The following GSK3B variants were observed in gnomAD, a reference collection of about 807,000 sequenced individuals.
The protein encoded by GSK3B is glycogen synthase kinase-3 beta.
In GSK3B, 15 loss-of-function variants were observed where a neutral mutation model predicts 56.4. That is an observed-to-expected ratio of 0.27 (90% CI 0.18 to 0.41). GSK3B has a LOEUF of 0.41. GSK3B is among the 10% of genes least tolerant of loss of function. GSK3B has a pLI of 1.00. For missense variants in GSK3B, 300 were observed against 513.4 expected, an observed-to-expected ratio of 0.58 and a Z score of 4.02; for synonymous variants, 181 against 188.9, an observed-to-expected ratio of 0.96 and a Z score of 0.34.
At chr3:119,832,720 C>A (rs1368882016) in intron 10 of GSK3B, among the ~76,000 whole-genome samples, 1 of 152,186 alleles carries the variant, frequency 6.6e-6, no homozygotes, top group African/African-American at 2.4e-5. Context: ...GTACCAGATG[C>A]TGCAAAGCAA....
At chr3:119,928,642 A>T (rs1209394851) in intron 3 of GSK3B, among the ~76,000 whole-genome samples, 4 of 150,434 alleles carry the variant, frequency 2.7e-5, no homozygotes, top group Non-Finnish European at 4.4e-5. Context: ...AAAAGAGGGA[A>T]AAGGGATAAG....
At chr3:119,859,793 A>C (rs1418034259) in intron 9 of GSK3B, among the ~76,000 whole-genome samples, 1 of 151,952 alleles carries the variant, frequency 6.6e-6, no homozygotes, top group African/African-American at 2.4e-5. Flanking sequence ...AGTCTGTCTG[A>C]GTCTGCATAT....
intron 10 of GSK3B, among the ~76,000 whole-genome samples, chr3:119,835,406 C>T (rs549521158): frequency 2.0e-5 from 3 of 152,150 alleles, no homozygotes; most frequent in South Asian, 2.1e-4. Context: ...AACAAAAAAC[C>T]CCATCTTCGA....
intron 8 of GSK3B, among the ~76,000 whole-genome samples, chr3:119,875,333 T>C (rs1307532030): frequency 6.6e-6 from 1 of 152,054 alleles, no homozygotes; most frequent in African/African-American, 2.4e-5. Context: ...CTACAGAGGG[T>C]AAATTATTTC....
At position 120,063,458 on chromosome 3, in the gene GSK3B, G is replaced by A. The variant is rs2058254257; in HGVS notation, c.88+29889C>T. 2.0e-5 allele frequency among the ~76,000 whole-genome samples: 3 copies of A among 152,264 alleles called. No homozygotes were observed. The South Asian group carries it at 6.2e-4, about 32-fold the overall frequency. ...AAAATCAGTGCTGGCCGGGTGCAGT[G>A]GCTCACACCTGTAATCCCAGCACTT... On this transcript the variant is annotated intron_variant, in intron 1 of 10. Coordinates refer to ENST00000264235, the MANE Select transcript of GSK3B (RefSeq NM_001146156.2).
chr3:119,989,477 T>C (rs1200878317), intron 2 of GSK3B, among the ~76,000 whole-genome samples: 2 of 151,872 alleles, frequency 1.3e-5, no homozygotes, highest in African/African-American at 4.8e-5. Flanking sequence ...ACCCCATCTC[T>C]ACTTAAAAAA....
chr3:119,946,991 T>TA (rs74697968), intron 3 of GSK3B, among the ~76,000 whole-genome samples: 2,499 of 144,432 alleles, frequency 0.017, 50 homozygotes, highest in East Asian at 0.063. Context: ...TAGATGTCTT[T>TA]AAAAAAAAAA....
At chr3:119,901,595 T>A (rs1474190992) in intron 7 of GSK3B, among the ~76,000 whole-genome samples, 1 of 152,308 alleles carries the variant, frequency 6.6e-6, no homozygotes, top group Non-Finnish European at 1.5e-5. Context: ...ATGCTGTAAA[T>A]TACTGGCATG....
chr3:120,062,757 G>A (rs1478237556), intron 1 of GSK3B, among the ~76,000 whole-genome samples: 1 of 152,134 alleles, frequency 6.6e-6, no homozygotes, highest in Non-Finnish European at 1.5e-5. Flanking sequence ...CAACTCTGCT[G>A]GTAGGCATCT....
chr3:120,013,485 C>A (rs990515852), intron 1 of GSK3B, among the ~76,000 whole-genome samples: 1 of 152,212 alleles, frequency 6.6e-6, no homozygotes, highest in African/African-American at 2.4e-5. Flanking sequence ...AATAAATACT[C>A]TGGTGACCTT....
chr3:120,044,143 G>C (rs1476468596), intron 1 of GSK3B, among the ~76,000 whole-genome samples: 1 of 152,182 alleles, frequency 6.6e-6, no homozygotes, highest in South Asian at 2.1e-4. Context: ...ACAGCTAGGA[G>C]TAATAAATCA....
rs1441114375 is a variant in GSK3B at position 119,876,417 on chromosome 3, G to A, written c.905C>T (p.Thr302Ile). 6.4e-7 allele frequency: 1 copy of A among 1,559,738 alleles called. No homozygotes were observed. The highest frequency in any genetic ancestry group is 8.8e-7 in the Non-Finnish European group (1 of 1,130,844). Residue 302 changes from threonine (T) to isoleucine (I), a missense_variant, in exon 8 of 11, where the codon ACT (threonine) becomes ATT (isoleucine). By Grantham distance (89) the Thr-to-Ile change is moderately conservative (BLOSUM62 -1). Transcript: ENST00000264235. ...KFPQIKAHPW[T>I]KVFRPRTPPE... ...TTAAAAAAAAATCTAACTCACCTTA[G>A]TCCAAGGATGTGCCTTAATTTGAGG...
In GSK3B at chr3:119,821,906, T is replaced by C. The variant is rs1398607881; in HGVS notation, c.*4882A>G. 5.7e-6 allele frequency: 1 copy of C among 176,438 alleles called. No individual in the cohort carries two copies. The highest frequency in any genetic ancestry group is 1.2e-5 in the Non-Finnish European group (1 of 81,926). 10.9% of individuals were successfully genotyped at this position (176,438 alleles called of 1,614,324 possible). On this transcript the variant is annotated 3_prime_UTR_variant, in exon 11 of 11. Transcript: ENST00000264235. ...ATATTGCAGCGGCAAAATAGTAGGG[T>C]GAAGGAAGAGGGTTGGGTACTGAAA...
At chr3:119,902,047 G>A (rs556006608) in intron 7 of GSK3B, among the ~76,000 whole-genome samples, 1 of 152,064 alleles carries the variant, frequency 6.6e-6, no homozygotes, top group African/African-American at 2.4e-5. Flanking sequence ...AGCACTAAGG[G>A]TGCATGACTA....
chr3:120,062,199 T>C (rs538194211), intron 1 of GSK3B, among the ~76,000 whole-genome samples: 2 of 152,236 alleles, frequency 1.3e-5, no homozygotes, highest in Non-Finnish European at 2.9e-5. Flanking sequence ...GTTGACTGTT[T>C]GTATTCCTCT....
intron 9 of GSK3B, among the ~76,000 whole-genome samples, chr3:119,845,802 AG>A (rs1390188395): frequency 2.6e-5 from 4 of 152,238 alleles, no homozygotes; most frequent in Non-Finnish European, 4.4e-5. Flanking sequence ...TCAAAGAATT[AG>A]AAAAAACTAC....
intron 1 of GSK3B, among the ~76,000 whole-genome samples, chr3:120,003,900 A>T (rs1402140899): frequency 6.6e-6 from 1 of 152,242 alleles, no homozygotes; most frequent in African/African-American, 2.4e-5. Flanking sequence ...CTGGTTGGAC[A>T]GCAGGTGCAG....
intron 1 of GSK3B, among the ~76,000 whole-genome samples, chr3:120,091,733 G>A (rs112234287): frequency 0.018 from 2,695 of 151,890 alleles, 43 homozygotes; most frequent in Non-Finnish European, 0.026. Flanking sequence ...ATCACTCCAT[G>A]AAGTGCTTAG....
At chr3:120,092,775 C>T (rs1441466237) in intron 1 of GSK3B, among the ~76,000 whole-genome samples, 1 of 152,042 alleles carries the variant, frequency 6.6e-6, no homozygotes, top group African/African-American at 2.4e-5. Flanking sequence ...ATGGCAGCCT[C>T]CAAATGTGAA....
Sources: allele counts gnomAD v4.1 joint callset (sites outside exome capture counted in the v4.1 genomes callset), GRCh38; gene constraint gnomAD v4.1.1; transcripts MANE v1.5; gene names NCBI Gene and HGNC (gene_info 2026-07-23, HGNC 2026-07-21).